The following GPHN variants were observed in gnomAD, a reference collection of about 807,000 sequenced individuals.
GPHN encodes the protein gephyrin.
In GPHN, 17 loss-of-function variants were observed where a neutral mutation model predicts 95.5. The observed-to-expected ratio is 0.18, with a 90% CI of 0.12 to 0.27. The LOEUF (loss-of-function observed/expected upper bound fraction) is 0.27. GPHN is among the 10% of genes least tolerant of loss of function. The pLI, the probability that GPHN is intolerant of heterozygous loss-of-function variation, is 1.00. For synonymous variants in GPHN, 320 were observed against 322.5 expected (o/e 0.99, Z 0.08); for missense variants, 660 against 978.1 (o/e 0.67, Z 4.34).
At chr14:66,855,520 C>T (rs1011787055) in intron 4 of GPHN, among the ~76,000 whole-genome samples, 9 of 152,062 alleles carry the variant, frequency 5.9e-5, no homozygotes, top group East Asian at 1.9e-4. Context: ...TTCATTTATC[C>T]GTTCATCTTT....
the GPHN span, among the ~76,000 whole-genome samples, chr14:67,355,641 C>T: frequency 4.6e-5 from 7 of 151,724 alleles, no homozygotes; most frequent in African/African-American, 7.3e-5. Context: ...TTATAAGTTC[C>T]GGGGAAAGAG....
At chr14:67,464,578 C>T in the GPHN span, among the ~76,000 whole-genome samples, 127 of 152,288 alleles carry the variant, frequency 8.3e-4, no homozygotes, top group Admixed American at 1.7e-3. Flanking sequence ...AGCTCATTCG[C>T]ATCTTTGCCT....
the GPHN span, chr14:67,645,724 C>A: frequency 6.2e-7 from 1 of 1,614,046 alleles, no homozygotes; most frequent in Non-Finnish European, 8.5e-7. Context: ...ATGCTGACAT[C>A]AACACACCCC....
chr14:66,734,958 T>C lies in GPHN; in HGVS notation c.144-41506T>C, dbSNP rs17103700. ...GAAATTCACTATTTACTATGTTCAG[T>C]GTTGTGTTAGGCAAGCTGTCTAGCT... On this transcript the variant is annotated intron_variant, in intron 2 of 22. Coordinates refer to ENST00000478722, the MANE Select transcript of GPHN (RefSeq NM_020806.5). 3.0e-3 allele frequency among the ~76,000 whole-genome samples: 457 copies of C among 152,338 alleles called. 3 individuals are homozygous for C. The highest frequency in any genetic ancestry group is 0.011 in the African/African-American group (439 of 41,584).
At chr14:67,619,733 C>G in the GPHN span, 2 of 456,322 alleles carry the variant, frequency 4.4e-6, no homozygotes, top group African/African-American at 4.2e-5. Context: ...CCGGAGAGCA[C>G]AGGCCAGAGT....
At position 66,511,493 on chromosome 14, in the gene GPHN, A is replaced by T. The variant is rs1259263788; in HGVS notation, c.64+2902A>T. ...GAAAGTGTGATCTACCCACACACAC[A>T]TTTTACAATATGTTACTTAGTATTT... is the stretch of plus-strand genomic sequence containing the variant. On this transcript the variant is annotated intron_variant, in intron 1 of 22. Coordinates refer to ENST00000478722, the MANE Select transcript of GPHN (RefSeq NM_020806.5). 2.0e-5 allele frequency among the ~76,000 whole-genome samples: 3 copies of T among 152,218 alleles called. No homozygotes were observed. The East Asian group carries it at 5.8e-4, about 29-fold the overall frequency.
chr14:66,835,678 A>G (rs181066320), intron 4 of GPHN, among the ~76,000 whole-genome samples: 13 of 152,258 alleles, frequency 8.5e-5, no homozygotes, highest in Admixed American at 2.6e-4. Flanking sequence ...AGATGACATG[A>G]TTGTATATCT....
chr14:67,734,558 T>C, the GPHN span: 4 of 155,586 alleles, frequency 2.6e-5, no homozygotes, highest in East Asian at 1.9e-4. Flanking sequence ...GCCACGGGAA[T>C]TGGGAATAGC....
chr14:66,764,937 G>A (rs1052954406), intron 2 of GPHN, among the ~76,000 whole-genome samples: 29 of 152,066 alleles, frequency 1.9e-4, no homozygotes, highest in African/African-American at 6.8e-4. Context: ...ATATTTAATA[G>A]TTAAGCATGT....
the GPHN span, among the ~76,000 whole-genome samples, chr14:67,679,409 T>TG: frequency 5.3e-5 from 8 of 151,844 alleles, no homozygotes; most frequent in South Asian, 2.1e-4. Context: ...TCCAAGTTTT[T>TG]TTTTTTTTTT....
intron 4 of GPHN, among the ~76,000 whole-genome samples, chr14:66,832,747 T>A (rs2061629116): frequency 6.6e-6 from 1 of 152,116 alleles, no homozygotes; most frequent in African/African-American, 2.4e-5. Context: ...ATATGACAAT[T>A]CAAGACAGTT....
the GPHN span, among the ~76,000 whole-genome samples, chr14:67,412,559 C>T: frequency 6.6e-6 from 1 of 152,080 alleles, no homozygotes; most frequent in Non-Finnish European, 1.5e-5. Flanking sequence ...CTGATGGGGG[C>T]AGAGAAGACC....
intron 4 of GPHN, among the ~76,000 whole-genome samples, chr14:66,824,914 A>G (rs1407377974): frequency 2.0e-5 from 3 of 152,142 alleles, no homozygotes; most frequent in African/African-American, 2.4e-5. Flanking sequence ...TGTCAATACA[A>G]TTCTTTTCTT....
At chr14:66,993,672 G>A (rs2071584584) in intron 9 of GPHN, among the ~76,000 whole-genome samples, 1 of 152,034 alleles carries the variant, frequency 6.6e-6, no homozygotes, top group South Asian at 2.1e-4. Context: ...CTTTGAGTGG[G>A]GAAGAACAGA....
chr14:67,232,747 G>A, the GPHN span, among the ~76,000 whole-genome samples: 8 of 151,712 alleles, frequency 5.3e-5, no homozygotes, highest in Non-Finnish European at 7.4e-5. Flanking sequence ...AACTTAAAAG[G>A]AAAAAAAATC....
chr14:67,731,207 CTTTTTTTTTTTT>C, the GPHN span, among the ~76,000 whole-genome samples: 1 of 90,622 alleles, frequency 1.1e-5, no homozygotes, highest in Non-Finnish European at 2.0e-5. Context: ...TTCTTTCTTT[CTTTTTTTTTTTT>C]TTTTTTTTTT....
At chr14:66,660,929 G>A (rs752603621) in intron 1 of GPHN, among the ~76,000 whole-genome samples, 22 of 152,220 alleles carry the variant, frequency 1.4e-4, no homozygotes, top group Admixed American at 5.2e-4. Context: ...TTACAAGTCC[G>A]GTCAGGAGAT....
chr14:66,859,705 A>G (rs1204167830), intron 4 of GPHN, among the ~76,000 whole-genome samples: 2 of 152,354 alleles, frequency 1.3e-5, no homozygotes, highest in Middle Eastern at 3.4e-3. Flanking sequence ...AGATATTTTG[A>G]GGAAACTCAA....
At chr14:67,348,414 C>T in the GPHN span, among the ~76,000 whole-genome samples, 1 of 151,704 alleles carries the variant, frequency 6.6e-6, no homozygotes, top group Non-Finnish European at 1.5e-5. Context: ...ACCATGTTGG[C>T]CAGGCTGGTC....
Sources: allele counts gnomAD v4.1 joint callset (sites outside exome capture counted in the v4.1 genomes callset), GRCh38; gene constraint gnomAD v4.1.1; transcripts MANE v1.5; gene names NCBI Gene and HGNC (gene_info 2026-07-23, HGNC 2026-07-21).